The following ST3GAL3 variants were observed in gnomAD, a reference collection of about 807,000 sequenced individuals.
The protein encoded by ST3GAL3 is ST3 beta-galactoside alpha-2,3-sialyltransferase 3, also known as CMP-N-acetylneuraminate-beta-1,4-galactoside alpha-2,3-sialyltransferase.
Under a neutral mutation model 50.1 loss-of-function variants are expected in ST3GAL3, and 21 were observed. The observed-to-expected ratio is 0.42, with a 90% CI of 0.30 to 0.60. The LOEUF (loss-of-function observed/expected upper bound fraction) is 0.60, where lower values mean the gene tolerates loss of function less well. ST3GAL3 is among the 20% of genes least tolerant of loss of function. The probability of loss-of-function intolerance (pLI) is 0.19; values close to 1 mark genes in which losing one functional copy is unlikely to be tolerated. For synonymous variants in ST3GAL3, 183 were observed against 190.0 expected (o/e 0.96, Z 0.30); for missense variants, 353 against 489.4 (o/e 0.72, Z 2.63).
At chr1:43,750,920 T>TA (rs1207653221) in intron 2 of ST3GAL3, among the ~76,000 whole-genome samples, 1 of 152,092 alleles carries the variant, frequency 6.6e-6, no homozygotes, top group African/African-American at 2.4e-5. Context: ...ACTTCTGTTT[T>TA]AAAAAATTCT....
chr1:43,801,002 C>T (rs1156596156), intron 3 of ST3GAL3, among the ~76,000 whole-genome samples: 2 of 152,096 alleles, frequency 1.3e-5, no homozygotes, highest in Admixed American at 1.3e-4. Context: ...TCATCATAGC[C>T]CAGAGATTGG....
chr1:43,724,990 G>T lies in ST3GAL3; in HGVS notation c.-30-11243G>T, dbSNP rs1672225821. 3.3e-5 allele frequency among the ~76,000 whole-genome samples: 5 copies of T among 152,112 alleles called. No individual in the cohort carries two copies. In the South Asian group the frequency reaches 1.0e-3, roughly 32 times the overall value. On this transcript the variant is annotated intron_variant, in intron 1 of 11. Transcript: ENST00000347631. ...AGAAGTCAGAAGTCCTCTAAGGTGG[G>T]GCCTGAGTTTCTGTGTTTCGGTGTC...
chr1:43,847,290 C>T (rs978139830), intron 5 of ST3GAL3, among the ~76,000 whole-genome samples: 1 of 152,168 alleles, frequency 6.6e-6, no homozygotes, highest in Admixed American at 6.5e-5. Context: ...AGCAATTCCA[C>T]TTCTGGGTAT....
chr1:43,853,707 G>A (rs1263801711), intron 5 of ST3GAL3, among the ~76,000 whole-genome samples: 5 of 152,180 alleles, frequency 3.3e-5, no homozygotes, highest in Non-Finnish European at 5.9e-5. Flanking sequence ...GGAAGGCTGG[G>A]GTGTGTGGTG....
intron 3 of ST3GAL3, among the ~76,000 whole-genome samples, chr1:43,807,419 A>AATAAATAAATAC (rs2060027135): frequency 6.7e-6 from 1 of 149,702 alleles, no homozygotes; most frequent in African/African-American, 2.5e-5. Flanking sequence ...CTGTCTCAAA[A>AATAAATAAATAC]ATAAATAAAT....
chr1:43,753,090 G>C (rs1042835461), intron 2 of ST3GAL3, among the ~76,000 whole-genome samples: 1 of 152,168 alleles, frequency 6.6e-6, no homozygotes, highest in Non-Finnish European at 1.5e-5. Context: ...TAATGGCTAA[G>C]CTAACTCAAA....
At chr1:43,818,287 C>G (rs1354752039) in intron 4 of ST3GAL3, among the ~76,000 whole-genome samples, 1 of 152,132 alleles carries the variant, frequency 6.6e-6, no homozygotes, top group Non-Finnish European at 1.5e-5. Flanking sequence ...ACCCCCAAAG[C>G]AGGCTGCAAG....
At chr1:43,905,247 T>C (rs1270670547) in intron 9 of ST3GAL3, among the ~76,000 whole-genome samples, 5 of 105,308 alleles carry the variant, frequency 4.7e-5, no homozygotes, top group African/African-American at 3.8e-5. Flanking sequence ...CTCCCCCTCC[T>C]CCTCCTGTTC....
chr1:43,759,183 C>T (rs552278760), intron 2 of ST3GAL3, among the ~76,000 whole-genome samples: 23 of 151,510 alleles, frequency 1.5e-4, no homozygotes, highest in East Asian at 1.4e-3. Flanking sequence ...TGGTGGCTCA[C>T]GCCTGTAATC....
At chr1:43,769,750 A>G (rs1694382796) in intron 2 of ST3GAL3, among the ~76,000 whole-genome samples, 1 of 152,198 alleles carries the variant, frequency 6.6e-6, no homozygotes, top group African/African-American at 2.4e-5. Context: ...AGAAAAAGGT[A>G]ATATACTATA....
intron 2 of ST3GAL3, among the ~76,000 whole-genome samples, chr1:43,758,025 C>G (rs888607945): frequency 6.6e-6 from 1 of 152,058 alleles, no homozygotes; most frequent in South Asian, 2.1e-4. Context: ...TATGTATAGA[C>G]ACTTCACCAA....
chr1:43,771,730 TTGTGTGTGTGTGTGTGTGTGTGTG>T (rs143955404), intron 2 of ST3GAL3, among the ~76,000 whole-genome samples: 1 of 145,022 alleles, frequency 6.9e-6, no homozygotes, highest in Admixed American at 6.9e-5. Flanking sequence ...TTTAATAAAG[TTGTGTGTGTGTGTGTGTGTGTGTG>T]TGTGTGTGTG....
intron 2 of ST3GAL3, among the ~76,000 whole-genome samples, chr1:43,777,190 C>T (rs910814003): frequency 1.3e-5 from 2 of 152,118 alleles, no homozygotes; most frequent in African/African-American, 2.4e-5. Flanking sequence ...CTAAGTCATA[C>T]GATCTTTTTT....
At position 43,734,297 on chromosome 1, in the gene ST3GAL3, C is replaced by CTTTTTTTTTTTTTTTTTTTT. The variant is rs751937263; in HGVS notation, c.-30-1926_-30-1925insTTTTTTTTTTTTTTTTTTTT. ...TTTCTTCTCTTTCTTTCTTCTTCTT[C>CTTTTTTTTTTTTTTTTTTTT]TTTTTTTTTTGTTTTTTTTTTTTTT... On this transcript the variant is annotated intron_variant, in intron 1 of 11. Coordinates refer to ENST00000347631, the MANE Select transcript of ST3GAL3 (RefSeq NM_006279.5). 6.9e-4 allele frequency among the ~76,000 whole-genome samples: 79 copies of CTTTTTTTTTTTTTTTTTTTT among 114,396 alleles called. 6 individuals are homozygous for CTTTTTTTTTTTTTTTTTTTT. Among genetic ancestry groups the CTTTTTTTTTTTTTTTTTTTT allele is most frequent in the Non-Finnish European group, 1.0e-3 (58 of 56,364 alleles). The allele number at this position is 114,396 out of a possible 152,430, so 75.0% of individuals were successfully genotyped here. A position where few individuals can be genotyped will look rare whatever the true frequency, so the allele number is the denominator to read the frequency against.
chr1:43,754,096 G>C (rs535392319), intron 2 of ST3GAL3, among the ~76,000 whole-genome samples: 1 of 152,308 alleles, frequency 6.6e-6, no homozygotes, highest in South Asian at 2.1e-4. Flanking sequence ...TATTCTTAGA[G>C]CCATACAATT....
chr1:43,868,630 C>T (rs181518998), intron 5 of ST3GAL3, among the ~76,000 whole-genome samples: 2 of 152,200 alleles, frequency 1.3e-5, no homozygotes, highest in East Asian at 3.9e-4. Flanking sequence ...GACCCTTACC[C>T]CCTTGAGTCT....
chr1:43,820,990 G>A (rs951977163), intron 4 of ST3GAL3, among the ~76,000 whole-genome samples: 1 of 152,100 alleles, frequency 6.6e-6, no homozygotes, highest in African/African-American at 2.4e-5. Context: ...AATGAGACCC[G>A]GACTTCAGCT....
chr1:43,850,400 C>T, intron 5 of ST3GAL3: 1 of 569,868 alleles, frequency 1.8e-6, no homozygotes, highest in East Asian at 4.6e-5. Context: ...CTAGTCTCTC[C>T]TTGAACTCTT....
At position 43,777,142 on chromosome 1, in the gene ST3GAL3, T is replaced by G. The variant is rs1697571002; in HGVS notation, c.119-14960T>G. ...GGGTTTTTAAAGCAAATCCCAGACATCATGTCATTTTACCCATGAATACTT... is the reference window on the plus strand; with the variant it reads ...GGGTTTTTAAAGCAAATCCCAGACAGCATGTCATTTTACCCATGAATACTT... On this transcript the variant is annotated intron_variant, in intron 2 of 11. Transcript: ENST00000347631. 2.0e-5 allele frequency among the ~76,000 whole-genome samples: 3 copies of G among 152,172 alleles called. 1 individual carries two copies. Among genetic ancestry groups the G allele is most frequent in the Admixed American group, 2.0e-4 (3 of 15,276 alleles).
Sources: gnomAD v4.1 joint callset for allele counts (sites outside exome capture counted in the v4.1 genomes callset) on GRCh38, gnomAD v4.1.1 for gene constraint, MANE v1.5 for transcripts, NCBI Gene and HGNC (gene_info 2026-07-23, HGNC 2026-07-21) for gene names.